Variants in CHD1L observed in about 807,000 individuals in gnomAD.
The protein encoded by CHD1L is ATP-dependent chromatin remodeler CHD1L.
Under a neutral mutation model 115.9 loss-of-function variants are expected in CHD1L, and 118 were observed. The ratio of observed to expected loss-of-function variants is 1.02; its 90% CI spans 0.88 to 1.19. The LOEUF is 1.19. CHD1L is among the 50% of genes most tolerant of loss of function. The pLI, the probability that CHD1L is intolerant of heterozygous loss-of-function variation, is 0.00. For synonymous variants in CHD1L, 411 were observed against 387.1 expected (o/e 1.06, Z -0.72); for missense variants, 1,179 against 1,065.3 (o/e 1.11, Z -1.49).
chr1:147,261,781 A>G (rs1672021775), intron 6 of CHD1L, among the ~76,000 whole-genome samples: 1 of 152,180 alleles, frequency 6.6e-6, no homozygotes, highest in Non-Finnish European at 1.5e-5. Context: ...TCCTTTTTAG[A>G]TGAAGCTTGG....
chr1:147,257,785 G>C (rs587678637), intron 5 of CHD1L, among the ~76,000 whole-genome samples: 1 of 152,312 alleles, frequency 6.6e-6, no homozygotes, highest in African/African-American at 2.4e-5. Flanking sequence ...CATTGCTGAT[G>C]ATAAATAGCA....
chr1:147,272,267 T>G lies in CHD1L; in HGVS notation c.1256T>G (p.Leu419Arg), dbSNP rs782747449. The change falls in exon 12 of 23, where the codon CTG (leucine) becomes CGG (arginine). Residue 419 changes from leucine to arginine, a missense_variant. Transcript: ENST00000369258. ...CAGCAGCCCATTTTCGTTTTTCTCC[T>G]GAGTACTAGGGCAGGTAGGCTGCAA... ...FGQQPIFVFLLSTRAGGVGMN... is the reference protein window; with the variant it reads ...FGQQPIFVFLRSTRAGGVGMN... 5.6e-6 allele frequency: 9 copies of G among 1,612,946 alleles called. No homozygotes were observed. Among genetic ancestry groups the G allele is most frequent in the Non-Finnish European group, 6.8e-6 (8 of 1,178,896 alleles).
the CHD1L span, among the ~76,000 whole-genome samples, chr1:147,233,291 G>A: frequency 6.9e-4 from 104 of 151,568 alleles, no homozygotes; most frequent in Middle Eastern, 3.5e-3. Context: ...AGTGAGGAGC[G>A]TCTCCGCCCA....
chr1:147,216,343 A>G, the CHD1L span, among the ~76,000 whole-genome samples: 14,075 of 152,244 alleles, frequency 0.092, 732 homozygotes, highest in African/African-American at 0.15. Context: ...CCAGTCCCCA[A>G]AAATTCTACC....
At chr1:147,178,575 C>T in the CHD1L span, 1 of 1,608,714 alleles carries the variant, frequency 6.2e-7, no homozygotes, top group Non-Finnish European at 8.5e-7. Flanking sequence ...ATAAAGATGC[C>T]TCTATAGTAG....
the CHD1L span, among the ~76,000 whole-genome samples, chr1:147,183,456 A>G: frequency 6.6e-6 from 1 of 152,336 alleles, no homozygotes; most frequent in African/African-American, 2.4e-5. Flanking sequence ...AGGCACTAGG[A>G]ACACACAGAT....
chr1:147,215,905 G>C, the CHD1L span: 1 of 1,612,260 alleles, frequency 6.2e-7, no homozygotes, highest in Non-Finnish European at 8.5e-7. Context: ...GATGATCACT[G>C]ATTTGTAAAT....
At chr1:147,186,462 G>GA in the CHD1L span, 213,586 of 943,098 alleles carry the variant, frequency 0.23, 24,908 homozygotes, top group South Asian at 0.26. Flanking sequence ...GTTATAATAT[G>GA]AAAAAAAACT....
the CHD1L span, chr1:147,224,886 T>G: frequency 6.2e-7 from 1 of 1,613,238 alleles, no homozygotes; most frequent in African/African-American, 1.3e-5. Flanking sequence ...GACTAGGAGA[T>G]GTATGTACCT....
the CHD1L span, chr1:147,209,145 C>T: frequency 6.5e-6 from 7 of 1,073,250 alleles, no homozygotes; most frequent in African/African-American, 4.7e-5. Flanking sequence ...TCAGGCCCGG[C>T]GCGGTGGCTC....
At chr1:147,223,816 A>G in the CHD1L span, 3,398 of 286,040 alleles carry the variant, frequency 0.012, 108 homozygotes, top group African/African-American at 0.071. Flanking sequence ...CAGGCTTCGC[A>G]CTGCCAAACA....
chr1:147,253,255 CTT>C (rs1267078817), intron 2 of CHD1L, among the ~76,000 whole-genome samples: 1 of 152,112 alleles, frequency 6.6e-6, no homozygotes, highest in African/African-American at 2.4e-5. Flanking sequence ...TAACTCCACA[CTT>C]GTTTTGTAGA....
upstream of CHD1L, among the ~76,000 whole-genome samples, chr1:147,237,731 C>G (rs375494214): frequency 6.6e-6 from 1 of 152,142 alleles, no homozygotes; most frequent in South Asian, 2.1e-4. Context: ...CCTTCAGGGA[C>G]TAGCTGGGCA....
At chr1:147,250,829 G>A (rs59689207) in intron 1 of CHD1L, among the ~76,000 whole-genome samples, 14,246 of 152,052 alleles carry the variant, frequency 0.094, 739 homozygotes, top group East Asian at 0.16. Context: ...TGGTTTGGCT[G>A]TGTCCCCAAC....
the CHD1L span, chr1:147,179,121 T>C: frequency 1.9e-6 from 3 of 1,613,944 alleles, no homozygotes; most frequent in Admixed American, 1.7e-5. Context: ...GAGAGAAGTT[T>C]GTCATGCAGG....
intron 20 of CHD1L, among the ~76,000 whole-genome samples, chr1:147,291,970 G>A (rs1404468349): frequency 6.6e-6 from 1 of 151,872 alleles, no homozygotes; most frequent in Non-Finnish European, 1.5e-5. Flanking sequence ...GGTACGGGGG[G>A]TTGGGGCTTC....
At chr1:147,233,067 C>T in the CHD1L span, among the ~76,000 whole-genome samples, 6 of 151,862 alleles carry the variant, frequency 4.0e-5, no homozygotes, top group Admixed American at 1.3e-4. Context: ...CGTCTCTGCC[C>T]GGCCGCCCAT....
At chr1:147,197,430 G>A in the CHD1L span, among the ~76,000 whole-genome samples, 1 of 152,070 alleles carries the variant, frequency 6.6e-6, no homozygotes, top group Non-Finnish European at 1.5e-5. Flanking sequence ...TGGTTTGGCT[G>A]TGTCCCCACC....
the CHD1L span, chr1:147,175,835 T>C: frequency 1.3e-5 from 2 of 151,762 alleles, no homozygotes; most frequent in Non-Finnish European, 2.9e-5. Context: ...TACAATAATA[T>C]TGATGAATCT....
Sources: gnomAD v4.1 joint callset for allele counts (sites outside exome capture counted in the v4.1 genomes callset) on GRCh38, gnomAD v4.1.1 for gene constraint, MANE v1.5 for transcripts, NCBI Gene and HGNC (gene_info 2026-07-23, HGNC 2026-07-21) for gene names.